Variants in MCTP1 observed in about 807,000 individuals in gnomAD.
MCTP1 encodes multiple C2 and transmembrane domain containing 1.
Under a neutral mutation model 120.6 loss-of-function variants are expected in MCTP1, and 69 were observed. The observed-to-expected ratio is 0.57, with a 90% CI of 0.47 to 0.70. The LOEUF is 0.70. MCTP1 is among the 30% of genes least tolerant of loss of function. The probability of loss-of-function intolerance (pLI) is 0.00; values close to 1 mark genes in which losing one functional copy is unlikely to be tolerated. For missense variants in MCTP1, 1,203 were observed against 1,248.8 expected (o/e 0.96, Z 0.55); for synonymous variants, 529 against 493.1 (o/e 1.07, Z -0.96).
intron 12 of MCTP1, among the ~76,000 whole-genome samples, chr5:94,885,964 C>G (rs925693900): frequency 6.6e-6 from 1 of 152,130 alleles, no homozygotes; most frequent in Non-Finnish European, 1.5e-5. Context: ...GAGGCCTTAA[C>G]CACCAGAGTT....
intron 1 of MCTP1, among the ~76,000 whole-genome samples, chr5:95,025,758 T>A (rs1035222519): frequency 7.2e-5 from 11 of 152,170 alleles, no homozygotes; most frequent in African/African-American, 2.4e-4. Context: ...ACTTCAGGAA[T>A]CTGAGGGTAG....
intron 8 of MCTP1, among the ~76,000 whole-genome samples, chr5:94,915,703 C>T (rs1809875883): frequency 6.6e-6 from 1 of 151,898 alleles, no homozygotes; most frequent in African/African-American, 2.4e-5. Flanking sequence ...AGAACATGAA[C>T]TTGGCTTACA....
chr5:95,180,582 C>T (rs553914248), intron 1 of MCTP1, among the ~76,000 whole-genome samples: 8 of 152,214 alleles, frequency 5.3e-5, no homozygotes, highest in South Asian at 2.1e-4. Context: ...GTCTATCTCA[C>T]GTCTACAGTT....
intron 11 of MCTP1, among the ~76,000 whole-genome samples, chr5:94,891,713 T>TA (rs1401582468): frequency 3.3e-5 from 5 of 151,662 alleles, no homozygotes; most frequent in Non-Finnish European, 7.4e-5. Flanking sequence ...TTCAACGGTT[T>TA]AGGCCAGTGA....
At chr5:95,184,500 T>C (rs1748980930) in intron 1 of MCTP1, among the ~76,000 whole-genome samples, 1 of 152,206 alleles carries the variant, frequency 6.6e-6, no homozygotes, top group African/African-American at 2.4e-5. Context: ...CTTTAAGCTG[T>C]CCTTGTTCAT....
chr5:94,935,130 G>GTA (rs1018828014), intron 5 of MCTP1, among the ~76,000 whole-genome samples: 36 of 151,534 alleles, frequency 2.4e-4, no homozygotes, highest in South Asian at 6.2e-4. Context: ...AACTTAAAAT[G>GTA]TATATATATA....
chr5:94,999,828 T>G (rs749687696), intron 2 of MCTP1, among the ~76,000 whole-genome samples: 1 of 152,124 alleles, frequency 6.6e-6, no homozygotes, highest in Admixed American at 6.6e-5. Flanking sequence ...CACCTCCTGG[T>G]AAATTTGGGG....
At chr5:95,175,740 G>A (rs915561881) in intron 1 of MCTP1, among the ~76,000 whole-genome samples, 3 of 152,194 alleles carry the variant, frequency 2.0e-5, no homozygotes, top group East Asian at 3.9e-4. Context: ...TTTCCTCTAC[G>A]TAAACAAGGT....
intron 15 of MCTP1, 46 bp from the exon 16 acceptor site, chr5:94,870,537 T>G (rs1797649052): frequency 7.5e-7 from 1 of 1,333,908 alleles, no homozygotes; most frequent in Non-Finnish European, 1.1e-6. Flanking sequence ...ATATTACAAA[T>G]GTTTACAAGT....
chr5:94,903,701 C>G (rs531381521), intron 10 of MCTP1, among the ~76,000 whole-genome samples: 1 of 152,132 alleles, frequency 6.6e-6, no homozygotes, highest in Non-Finnish European at 1.5e-5. Context: ...AACAATGCAA[C>G]GAAGTCAGTA....
At chr5:95,237,672 T>C (rs896022161) in intron 1 of MCTP1, among the ~76,000 whole-genome samples, 1 of 152,170 alleles carries the variant, frequency 6.6e-6, no homozygotes, top group Non-Finnish European at 1.5e-5. Flanking sequence ...GCTCACTAAC[T>C]CCTTTGATTC....
Position 94,888,870 on chromosome 5 carries a change from A to C in MCTP1, c.1933+9T>G. Reference sequence around the variant, plus strand: ...ATCTGAGCAATAGGAGAATTGCATCATCTCTTACCAGTGACGTCGGCAGCC... The same window carrying C: ...ATCTGAGCAATAGGAGAATTGCATCCTCTCTTACCAGTGACGTCGGCAGCC... On this transcript the variant is annotated intron_variant, in intron 12 of 22. Coordinates refer to ENST00000515393, the MANE Select transcript of MCTP1 (RefSeq NM_024717.7). 1 of 1,579,524 alleles carries C rather than the reference A, an allele frequency of 6.3e-7. No homozygotes were observed. The highest frequency in any genetic ancestry group is 8.7e-7 in the Non-Finnish European group (1 of 1,148,846).
chr5:94,767,379 A>C (rs918952189), intron 19 of MCTP1, among the ~76,000 whole-genome samples: 14 of 152,122 alleles, frequency 9.2e-5, no homozygotes, highest in Admixed American at 3.9e-4. Flanking sequence ...CCTGTTCACC[A>C]CTCTTGTTCA....
At chr5:94,855,477 A>T (rs953076302) in intron 17 of MCTP1, among the ~76,000 whole-genome samples, 1 of 151,856 alleles carries the variant, frequency 6.6e-6, no homozygotes, top group Non-Finnish European at 1.5e-5. Flanking sequence ...CCCAACTGGC[A>T]ATTGTTGCTG....
At chr5:95,208,747 C>G (rs972453718) in intron 1 of MCTP1, among the ~76,000 whole-genome samples, 3 of 151,294 alleles carry the variant, frequency 2.0e-5, no homozygotes, top group Admixed American at 6.6e-5. Context: ...AAAAAAAGTT[C>G]TAGAACATAT....
chr5:94,909,376 C>A lies in MCTP1; in HGVS notation c.1527G>T (p.Met509Ile). ...LGHQKYKSKIMPKTLNPQWRE... is the reference protein window; with the variant it reads ...LGHQKYKSKIIPKTLNPQWRE... Reference sequence around the variant, plus strand: ...TCCACTGAGGATTCAACGTTTTTGGCATAATCTGGAAAAAAAAATCATAAT... The same window carrying A: ...TCCACTGAGGATTCAACGTTTTTGGAATAATCTGGAAAAAAAAATCATAAT... Residue 509 changes from methionine to isoleucine, a missense_variant, in exon 10 of 23, where the codon ATG becomes ATT. Met to Ile is a conservative substitution (Grantham distance 10, BLOSUM62 1). This residue lies in a region of MCTP1 where 740 missense variants were observed against 871.1 expected (regional missense o/e 0.85). Coordinates refer to ENST00000515393, the MANE Select transcript of MCTP1 (RefSeq NM_024717.7). The A allele has an allele frequency of 1.9e-6, 3 of 1,570,672 alleles. No homozygotes were observed. Among genetic ancestry groups the A allele is most frequent in the Non-Finnish European group, 2.6e-6 (3 of 1,166,038 alleles).
chr5:95,284,552 C>T lies in MCTP1; in HGVS notation c.24G>A (p.Ala8=). The T allele has an allele frequency of 1.4e-6, 2 of 1,453,428 alleles. No individual in the cohort carries two copies. Among genetic ancestry groups the T allele is most frequent in the South Asian group, 1.4e-5 (1 of 71,186 alleles). The allele number at this position is 1,453,428 out of a possible 1,614,324, so 90.0% of individuals were successfully genotyped here. Residue 8 remains alanine (A), a synonymous_variant, in exon 1 of 23, where the codon GCG becomes GCA. Coordinates refer to ENST00000515393, the MANE Select transcript of MCTP1 (RefSeq NM_024717.7). The surrounding 1 kb of genome is among the most constrained non-coding windows in gnomAD (Gnocchi z 5.2). MEPRAAA[A]GEPEPPAASS... ...ACGCCGCCGGCGGCTCTGGCTCGCC[C>T]GCCGCGGCAGCCCGGGGCTCCATCC...
In MCTP1 at chr5:94,758,017, T is replaced by C. The variant is rs142394361; in HGVS notation, c.2610+21093A>G. ...AGGAAACAAGTTTAGTAAGGTGTTA[T>C]AGATGGAGGCCTCAAAAGAAAAAAA... On this transcript the variant is annotated intron_variant, in intron 19 of 22. Transcript: ENST00000515393. 3.5e-3 allele frequency among the ~76,000 whole-genome samples: 533 copies of C among 152,260 alleles called. 4 individuals are homozygous for C. Among genetic ancestry groups the C allele is most frequent in the African/African-American group, 0.012 (515 of 41,538 alleles).
At chr5:94,941,452 G>C (rs1319242808) in intron 4 of MCTP1, among the ~76,000 whole-genome samples, 2 of 151,166 alleles carry the variant, frequency 1.3e-5, no homozygotes, top group Non-Finnish European at 3.0e-5. Flanking sequence ...TAAGTTGATT[G>C]TAATGCATAA....
Sources: gnomAD v4.1 joint callset for allele counts (sites outside exome capture counted in the v4.1 genomes callset) on GRCh38, gnomAD v4.1.1 for gene constraint, gnomAD v4.1.1 regional missense constraint, Gnocchi (gnomAD v3.1) non-coding constraint, MANE v1.5 for transcripts, NCBI Gene and HGNC (gene_info 2026-07-23, HGNC 2026-07-21) for gene names.